PRELID2: variants seen among roughly 807,000 people sequenced by gnomAD.
PRELID2 encodes PRELI domain-containing protein 2.
In PRELID2, 25 loss-of-function variants were observed where a neutral mutation model predicts 28.4. The ratio of observed to expected loss-of-function variants is 0.88; its 90% CI spans 0.64 to 1.23. PRELID2 has a LOEUF of 1.23. PRELID2 is among the 50% of genes most tolerant of loss of function. PRELID2 has a pLI of 0.00. For synonymous variants in PRELID2, 76 were observed against 71.6 expected (o/e 1.06, Z -0.31); for missense variants, 201 against 214.4 (o/e 0.94, Z 0.39).
the PRELID2 span, among the ~76,000 whole-genome samples, chr5:145,253,885 G>T: frequency 6.6e-6 from 1 of 151,772 alleles, no homozygotes; most frequent in Non-Finnish European, 1.5e-5. Context: ...TGCAACTTTT[G>T]TCACTTTTAT....
At chr5:145,365,798 T>C in the PRELID2 span, among the ~76,000 whole-genome samples, 2 of 152,028 alleles carry the variant, frequency 1.3e-5, no homozygotes, top group South Asian at 4.1e-4. Flanking sequence ...TCTTTCAGAA[T>C]CTTTCTAGGG....
At chr5:145,817,215 A>T (rs1561643838) in intron 4 of PRELID2, among the ~76,000 whole-genome samples, 2 of 97,336 alleles carry the variant, frequency 2.1e-5, no homozygotes, top group Non-Finnish European at 4.8e-5. Flanking sequence ...AAATAAATAA[A>T]AAAAAATATA....
At chr5:145,654,032 A>G (rs561645922) in intron 1 of PRELID2, among the ~76,000 whole-genome samples, 11 of 152,278 alleles carry the variant, frequency 7.2e-5, no homozygotes, top group African/African-American at 2.6e-4. Context: ...AGAGAGAAGA[A>G]TCAAACAGAT....
At chr5:145,319,702 A>C in the PRELID2 span, among the ~76,000 whole-genome samples, 10 of 150,926 alleles carry the variant, frequency 6.6e-5, no homozygotes, top group Middle Eastern at 3.4e-3. Context: ...TAAATAAATA[A>C]ATAAATAAAT....
chr5:145,494,367 T>C (rs972906471), intron 1 of PRELID2, among the ~76,000 whole-genome samples: 25 of 152,314 alleles, frequency 1.6e-4, no homozygotes, highest in Admixed American at 5.2e-4. Context: ...AAAAAATACT[T>C]CTTTGAAATA....
the PRELID2 span, among the ~76,000 whole-genome samples, chr5:145,279,861 C>T: frequency 7.4e-6 from 1 of 135,546 alleles, no homozygotes; most frequent in Non-Finnish European, 1.6e-5. Context: ...TTTAACTTTG[C>T]TTTTTCTTAT....
At chr5:145,382,176 T>C in the PRELID2 span, among the ~76,000 whole-genome samples, 1 of 151,914 alleles carries the variant, frequency 6.6e-6, no homozygotes. Context: ...AAAGAATTAG[T>C]TAACTTGAAG....
chr5:145,257,860 G>A, the PRELID2 span, among the ~76,000 whole-genome samples: 12,570 of 152,164 alleles, frequency 0.083, 1,122 homozygotes, highest in African/African-American at 0.23. Flanking sequence ...GTAATCCCCA[G>A]TGTTGGAGGT....
At chr5:145,430,329 C>T in the PRELID2 span, among the ~76,000 whole-genome samples, 1 of 152,132 alleles carries the variant, frequency 6.6e-6, no homozygotes, top group Non-Finnish European at 1.5e-5. Context: ...TAACAAATTT[C>T]TTTGGCTTTG....
chr5:145,613,382 T>C (rs1387685255), intron 1 of PRELID2, among the ~76,000 whole-genome samples: 1 of 151,718 alleles, frequency 6.6e-6, no homozygotes. Context: ...GCCATGTTGG[T>C]GTGCTGCACC....
At chr5:145,688,891 A>G (rs1464973562) in intron 1 of PRELID2, among the ~76,000 whole-genome samples, 2 of 152,244 alleles carry the variant, frequency 1.3e-5, no homozygotes, top group Non-Finnish European at 2.9e-5. Flanking sequence ...CAATTCAGGT[A>G]GACTGAGACT....
the PRELID2 span, among the ~76,000 whole-genome samples, chr5:145,444,655 G>A: frequency 6.6e-6 from 1 of 151,878 alleles, no homozygotes; most frequent in Admixed American, 6.6e-5. Context: ...GACTAACTAA[G>A]AGAATAAAAC....
chr5:145,807,072 G>C (rs569014124), intron 4 of PRELID2, among the ~76,000 whole-genome samples: 1 of 152,290 alleles, frequency 6.6e-6, no homozygotes, highest in East Asian at 1.9e-4. Context: ...ACAACTGGCA[G>C]CACAGTAGGT....
At chr5:145,281,858 T>A in the PRELID2 span, among the ~76,000 whole-genome samples, 1 of 152,246 alleles carries the variant, frequency 6.6e-6, no homozygotes, top group East Asian at 1.9e-4. Context: ...CTATTTATTT[T>A]TTAAGTCCAT....
At chr5:145,528,809 G>A (rs1178998604) in intron 1 of PRELID2, among the ~76,000 whole-genome samples, 1 of 151,354 alleles carries the variant, frequency 6.6e-6, no homozygotes, top group Non-Finnish European at 1.5e-5. Context: ...AATTTCCCCA[G>A]GTCTTTTCAA....
chr5:145,393,375 C>T, the PRELID2 span, among the ~76,000 whole-genome samples: 1 of 152,058 alleles, frequency 6.6e-6, no homozygotes, highest in Admixed American at 6.6e-5. Context: ...AACTGAGTAG[C>T]CTGGCTTTGG....
chr5:145,323,611 C>T, the PRELID2 span, among the ~76,000 whole-genome samples: 1 of 152,192 alleles, frequency 6.6e-6, no homozygotes, highest in Admixed American at 6.5e-5. Flanking sequence ...TCATCATCCT[C>T]CTTGCACCTT....
the PRELID2 span, among the ~76,000 whole-genome samples, chr5:145,312,641 A>G: frequency 6.6e-6 from 1 of 152,158 alleles, no homozygotes; most frequent in African/African-American, 2.4e-5. Context: ...TATTTCACTT[A>G]ACATAATGCC....
chr5:145,440,337 T>C, the PRELID2 span, among the ~76,000 whole-genome samples: 1 of 152,104 alleles, frequency 6.6e-6, no homozygotes, highest in African/African-American at 2.4e-5. Flanking sequence ...TGAACCTCAC[T>C]ATCAATCATT....
Sources: allele counts gnomAD v4.1 joint callset (sites outside exome capture counted in the v4.1 genomes callset), GRCh38; gene constraint gnomAD v4.1.1; transcripts MANE v1.5; gene names NCBI Gene and HGNC (gene_info 2026-07-23, HGNC 2026-07-21).